COMMD1: variants seen among roughly 807,000 people sequenced by gnomAD.
COMMD1 encodes copper metabolism domain containing 1.
Under a neutral mutation model 17.2 loss-of-function variants are expected in COMMD1, and 10 were observed. The ratio of observed to expected loss-of-function variants is 0.58; its 90% confidence interval spans 0.36 to 0.99. COMMD1 has a LOEUF of 0.99. COMMD1 is among the 50% of genes least tolerant of loss of function. The pLI, the probability that COMMD1 is intolerant of heterozygous loss-of-function variation, is 0.01. For synonymous variants in COMMD1, 97 were observed against 91.6 expected, an observed-to-expected ratio of 1.06 and a Z score of -0.34; for missense variants, 270 against 231.8, an observed-to-expected ratio of 1.17 and a Z score of -1.07.
intron 1 of COMMD1, among the ~76,000 whole-genome samples, chr2:61,918,337 A>G (rs1670099896): frequency 6.6e-6 from 1 of 152,242 alleles, no homozygotes; most frequent in African/African-American, 2.4e-5. Context: ...AGATGGTAAT[A>G]CATGAGACAT....
rs1671215720 is a variant in COMMD1 at position 61,957,018 on chromosome 2, T to C, written c.181-43683T>C. 1.3e-5 allele frequency among the ~76,000 whole-genome samples: 2 copies of C among 152,040 alleles called. 1 individual carries two copies. Among genetic ancestry groups the C allele is most frequent in the South Asian group, 4.1e-4 (2 of 4,828 alleles). ...CACCCGCCTCGGCCTCCCAAAGTGCTGGGATTATAGGCGTGAGCCACCACG... is the reference window on the plus strand; with the variant it reads ...CACCCGCCTCGGCCTCCCAAAGTGCCGGGATTATAGGCGTGAGCCACCACG... On this transcript the variant is annotated intron_variant, in intron 1 of 2. Coordinates refer to ENST00000311832, the MANE Select transcript of COMMD1 (RefSeq NM_152516.4).
chr2:62,046,387 C>A (rs555108136), intron 2 of COMMD1, among the ~76,000 whole-genome samples: 1 of 152,126 alleles, frequency 6.6e-6, no homozygotes, highest in Non-Finnish European at 1.5e-5. Flanking sequence ...AACAAAAGTG[C>A]TAAGTAACTA....
chr2:62,056,500 G>A (rs1190765455), intron 2 of COMMD1, among the ~76,000 whole-genome samples: 2 of 152,210 alleles, frequency 1.3e-5, no homozygotes, highest in Non-Finnish European at 2.9e-5. Context: ...CCTGTTCAGC[G>A]AACTCAATCT....
intron 1 of COMMD1, among the ~76,000 whole-genome samples, chr2:61,980,067 AG>A (rs1386551942): frequency 4.6e-5 from 1 of 21,868 alleles, no homozygotes; most frequent in Non-Finnish European, 9.0e-5. Context: ...GTCCCTACAA[AG>A]GATATGAACT....
At chr2:62,101,516 A>C (rs1187503304) in intron 2 of COMMD1, among the ~76,000 whole-genome samples, 2 of 152,196 alleles carry the variant, frequency 1.3e-5, no homozygotes, top group Non-Finnish European at 2.9e-5. Flanking sequence ...AGGCTGAGAC[A>C]GGAGAATCAC....
At chr2:61,908,299 T>G (rs1403919586) in intron 1 of COMMD1, among the ~76,000 whole-genome samples, 1 of 150,442 alleles carries the variant, frequency 6.6e-6, no homozygotes, top group Non-Finnish European at 1.5e-5. Context: ...CCATCTCGGC[T>G]CACTACAACC....
At chr2:61,914,939 C>T (rs1670012127) in intron 1 of COMMD1, among the ~76,000 whole-genome samples, 2 of 151,744 alleles carry the variant, frequency 1.3e-5, no homozygotes. Flanking sequence ...ATCCACCCAC[C>T]TGGGCCTCAT....
At chr2:61,935,216 G>A (rs567238208) in intron 1 of COMMD1, among the ~76,000 whole-genome samples, 3 of 152,162 alleles carry the variant, frequency 2.0e-5, no homozygotes, top group Non-Finnish European at 2.9e-5. Context: ...ATTAATTACC[G>A]ACAAGATATG....
chr2:62,007,090 T>C (rs1448108335), intron 2 of COMMD1, among the ~76,000 whole-genome samples: 1 of 152,302 alleles, frequency 6.6e-6, no homozygotes, highest in East Asian at 1.9e-4. Context: ...CATGTAGAGA[T>C]CCCAAAATAT....
chr2:62,089,819 C>T (rs1447204024), intron 2 of COMMD1, among the ~76,000 whole-genome samples: 1 of 152,096 alleles, frequency 6.6e-6, no homozygotes, highest in Admixed American at 6.5e-5. Flanking sequence ...TCGGTCTCCC[C>T]TCTTGGCCAA....
intron 2 of COMMD1, among the ~76,000 whole-genome samples, chr2:62,130,278 T>C (rs1672995623): frequency 6.6e-6 from 1 of 151,174 alleles, no homozygotes; most frequent in African/African-American, 2.4e-5. Flanking sequence ...GACTTTTTTT[T>C]TTTTTTTCTT....
upstream of COMMD1, chr2:61,888,502 G>A (rs563213115): frequency 2.3e-5 from 37 of 1,611,626 alleles, no homozygotes; most frequent in South Asian, 3.9e-4. Context: ...CCACATTCTC[G>A]GGCATGGCAA....
intron 1 of COMMD1, among the ~76,000 whole-genome samples, chr2:61,893,174 A>G (rs1275790312): frequency 1.3e-5 from 2 of 151,746 alleles, no homozygotes; most frequent in Non-Finnish European, 1.5e-5. Flanking sequence ...GCCTCATTCT[A>G]TGTTTTTAAG....
At chr2:62,032,747 C>G (rs1412671932) in intron 2 of COMMD1, among the ~76,000 whole-genome samples, 1 of 151,982 alleles carries the variant, frequency 6.6e-6, no homozygotes, top group African/African-American at 2.4e-5. Context: ...CTCTCTTTCT[C>G]TCTTTCACTC....
intron 2 of COMMD1, among the ~76,000 whole-genome samples, chr2:62,128,021 C>CA (rs56019037): frequency 0.048 from 4,971 of 103,150 alleles, 103 homozygotes; most frequent in East Asian, 0.097. Flanking sequence ...GACTCTATCT[C>CA]AAAAAAAAAA....
chr2:62,123,546 A>G (rs1240874666), intron 2 of COMMD1, among the ~76,000 whole-genome samples: 1 of 150,840 alleles, frequency 6.6e-6, no homozygotes, highest in African/African-American at 2.5e-5. Flanking sequence ...GGAAGGAAGG[A>G]AGGAAGGAAA....
At chr2:62,067,352 C>G (rs902891702) in intron 2 of COMMD1, among the ~76,000 whole-genome samples, 1 of 152,038 alleles carries the variant, frequency 6.6e-6, no homozygotes, top group Non-Finnish European at 1.5e-5. Flanking sequence ...AACAAATCTT[C>G]TATTTGTATA....
intron 1 of COMMD1, among the ~76,000 whole-genome samples, chr2:61,931,182 C>T (rs929008493): frequency 6.6e-6 from 1 of 151,730 alleles, no homozygotes; most frequent in African/African-American, 2.4e-5. Flanking sequence ...TGTGGTGGTG[C>T]GTGCCTGTAG....
intron 2 of COMMD1, among the ~76,000 whole-genome samples, chr2:62,052,420 G>C: frequency 6.6e-6 from 1 of 152,132 alleles, no homozygotes. Flanking sequence ...TCTGTCCCAC[G>C]TATCTTCAGG....
Sources: allele counts gnomAD v4.1 joint callset (sites outside exome capture counted in the v4.1 genomes callset), GRCh38; gene constraint gnomAD v4.1.1; transcripts MANE v1.5; gene names NCBI Gene and HGNC (gene_info 2026-07-23, HGNC 2026-07-21).